ACACB: variants seen among roughly 807,000 people sequenced by gnomAD.
ACACB encodes acetyl-CoA carboxylase beta, also known as acetyl-CoA carboxylase 2.
A neutral mutation model predicts 278.8 loss-of-function variants in ACACB; 209 were observed. That is an observed-to-expected ratio of 0.75 (90% CI 0.67 to 0.84). The LOEUF is 0.84. Among genes scored for constraint, ACACB ranks in the 40% least tolerant of loss-of-function variants. ACACB has a pLI of 0.00. For missense variants in ACACB, 2,850 were observed against 3,269.0 expected (o/e 0.87, Z 3.13); for synonymous variants, 1,174 against 1,285.6 (o/e 0.91, Z 1.86).
rs754130864 is a variant in ACACB at position 109,212,925 on chromosome 12, G to C, written c.3339G>C (p.Gln1113His). ...TCATCAACACCCAGAGCATCGTGCAGTTGGTCCAGAGGTGAATCCTGGGTC... is the reference window on the plus strand; with the variant it reads ...TCATCAACACCCAGAGCATCGTGCACTTGGTCCAGAGGTGAATCCTGGGTC... ...VFFINTQSIV[Q>H]LVQRYRSGIR... is the part of the protein sequence containing the mutation. The change falls in exon 22 of 53, where the codon CAG becomes CAC. Residue 1113 changes from glutamine (Q) to histidine (H), a missense_variant. This residue lies in a region of ACACB where 2,265 missense variants were observed against 2,561.3 expected (regional missense o/e 0.88). Coordinates refer to ENST00000338432, the MANE Select transcript of ACACB (RefSeq NM_001093.4). 1.2e-6 allele frequency: 2 copies of C among 1,614,128 alleles called. No individual in the cohort carries two copies. The highest frequency in any genetic ancestry group is 4.5e-5 in the East Asian group (2 of 44,886).
intron 17 of ACACB, among the ~76,000 whole-genome samples, chr12:109,197,700 A>G (rs897391691): frequency 6.6e-5 from 10 of 152,064 alleles, no homozygotes; most frequent in Admixed American, 3.3e-4. Context: ...AGATAGTGAG[A>G]TAGGCCCCAA....
chr12:109,258,925 G>C, intron 46 of ACACB, 48 bp from the exon 47 acceptor site: 1 of 1,607,614 alleles, frequency 6.2e-7, no homozygotes. Context: ...CTCTGTCCTG[G>C]GTTGTGGTTG....
rs771226382 is a variant in ACACB, at chr12:109,239,916, C to T, written c.4749C>T (p.Thr1583=). The T allele has an allele frequency of 6.2e-7, 1 of 1,614,090 alleles. No individual in the cohort carries two copies. Among genetic ancestry groups the T allele is most frequent in the Non-Finnish European group, 8.5e-7 (1 of 1,180,050 alleles). ...MDELEVAFNN[T]SVRTDCNHIF... ...AGCTGGAGGTGGCGTTCAATAACAC[C>T]AGCGTGCGCACCGACTGCAACCACA... is the stretch of plus-strand genomic sequence containing the variant. Residue 1583 remains threonine (T), a synonymous_variant, in exon 35 of 53, where the codon ACC becomes ACT. Coordinates refer to ENST00000338432, the MANE Select transcript of ACACB (RefSeq NM_001093.4).
chr12:109,207,144 T>C (rs2045545356), intron 20 of ACACB, among the ~76,000 whole-genome samples: 1 of 152,152 alleles, frequency 6.6e-6, no homozygotes, highest in African/African-American at 2.4e-5. Context: ...TTTGTAGAGA[T>C]GGCATTTTGC....
intron 43 of ACACB, among the ~76,000 whole-genome samples, chr12:109,253,611 G>A (rs926860467): frequency 5.3e-5 from 8 of 152,202 alleles, no homozygotes; most frequent in African/African-American, 1.9e-4. Context: ...ATGATTAAGT[G>A]AAGTGATATT....
intron 16 of ACACB, among the ~76,000 whole-genome samples, chr12:109,196,516 A>G (rs2045134817): frequency 1.3e-5 from 2 of 152,134 alleles, no homozygotes; most frequent in South Asian, 4.1e-4. Flanking sequence ...TAAGGGCACT[A>G]ATCTCTTTTA....
At position 109,209,974 on chromosome 12, in the gene ACACB, TACAC is replaced by T. The variant is rs759183713; in HGVS notation, c.3249+626_3249+629del. On this transcript the variant is annotated intron_variant, in intron 21 of 52. Transcript: ENST00000338432. Reference sequence around the variant, plus strand: ...GTGTGTATATATGTGTATACACACATACACACACGTGTGTGTATATATGTGTATA... The same window carrying T: ...GTGTGTATATATGTGTATACACACATACACGTGTGTGTATATATGTGTATA... Among the ~76,000 whole-genome samples the T allele has an allele frequency of 1.2e-4, 12 of 97,280 alleles. 1 individual carries two copies. Among genetic ancestry groups the T allele is most frequent in the South Asian group, 5.8e-4 (2 of 3,430 alleles). The allele number at this position is 97,280 out of a possible 152,430, so 63.8% of individuals were successfully genotyped here.
At chr12:109,252,702 C>T (rs141239448) in intron 42 of ACACB, 2 of 216,646 alleles carry the variant, frequency 9.2e-6, no homozygotes, top group East Asian at 1.0e-4. Flanking sequence ...TGCTGCAGAC[C>T]TGCTGAATCA....
At chr12:109,116,436 C>T (rs1347442673), upstream of ACACB, among the ~76,000 whole-genome samples, 1 of 152,228 alleles carries the variant, frequency 6.6e-6, no homozygotes, top group Non-Finnish European at 1.5e-5. Flanking sequence ...TAGCAGAACT[C>T]TCCCAGGAGT....
intron 1 of ACACB, 149 bp from the exon 2 acceptor site, chr12:109,139,248 C>T: frequency 1.4e-6 from 1 of 715,964 alleles, no homozygotes; most frequent in South Asian, 2.0e-5. Flanking sequence ...CTGTTTCAGG[C>T]AGAGCAGGGA....
chr12:109,163,717 T>C (rs1347026570), intron 2 of ACACB, among the ~76,000 whole-genome samples: 1 of 152,192 alleles, frequency 6.6e-6, no homozygotes, highest in Non-Finnish European at 1.5e-5. Flanking sequence ...TGGCACAATC[T>C]TGGCTCACTA....
intron 4 of ACACB, among the ~76,000 whole-genome samples, chr12:109,169,992 T>C (rs2089040261): frequency 6.6e-6 from 1 of 152,226 alleles, no homozygotes; most frequent in South Asian, 2.1e-4. Flanking sequence ...TTAGCAATTC[T>C]ATAGTACAGA....
At chr12:109,247,221 T>C in intron 39 of ACACB, among the ~76,000 whole-genome samples, 1 of 152,024 alleles carries the variant, frequency 6.6e-6, no homozygotes, top group Non-Finnish European at 1.5e-5. Flanking sequence ...GCATGCATTC[T>C]CGGGGGCGAT....
chr12:109,178,935 C>T (rs1201422501), intron 9 of ACACB, among the ~76,000 whole-genome samples, 153 bp from the exon 10 acceptor site: 1 of 152,196 alleles, frequency 6.6e-6, no homozygotes, highest in Non-Finnish European at 1.5e-5. Flanking sequence ...AATATTATGT[C>T]TGTGAGACAA....
At position 109,245,786 on chromosome 12, in the gene ACACB, A is replaced by G. The variant is rs1241695213; in HGVS notation, c.5301+38A>G. 5.0e-6 allele frequency: 8 copies of G among 1,604,602 alleles called. No individual in the cohort carries two copies. The East Asian group carries it at 8.9e-5, about 18-fold the overall frequency. The stretch of plus-strand genomic sequence containing the variant: ...CGGAGCCTAACCCCTGGCTGGAGTC[A>G]CCCCCTTAAAAATATTTTTGGGCCA... On this transcript the variant is annotated intron_variant, in intron 38 of 52. Coordinates refer to ENST00000338432, the MANE Select transcript of ACACB (RefSeq NM_001093.4).
At chr12:109,165,459 G>A (rs971913737) in intron 2 of ACACB, among the ~76,000 whole-genome samples, 1 of 152,196 alleles carries the variant, frequency 6.6e-6, no homozygotes, top group African/African-American at 2.4e-5. Flanking sequence ...GAAGTGCTGG[G>A]ATTACAGGTA....
At chr12:109,246,083 C>G in intron 38 of ACACB, 96 bp from the exon 39 acceptor site, 4 of 1,370,722 alleles carry the variant, frequency 2.9e-6, no homozygotes, top group Admixed American at 2.5e-5. Flanking sequence ...GAGCAAGACC[C>G]TGTATCTAAA....
intron 2 of ACACB, among the ~76,000 whole-genome samples, chr12:109,141,488 A>G (rs942671334): frequency 6.6e-6 from 1 of 152,202 alleles, no homozygotes; most frequent in African/African-American, 2.4e-5. Context: ...GAGAGAAGAA[A>G]AGAGCCACCA....
At chr12:109,136,683 A>G (rs2042973854) in intron 1 of ACACB, among the ~76,000 whole-genome samples, 1 of 152,178 alleles carries the variant, frequency 6.6e-6, no homozygotes, top group African/African-American at 2.4e-5. Context: ...TTGTGTATTT[A>G]TCTTGTATCC....
Sources: allele counts gnomAD v4.1 joint callset (sites outside exome capture counted in the v4.1 genomes callset), GRCh38; gene constraint gnomAD v4.1.1; regional missense constraint gnomAD v4.1.1; transcripts MANE v1.5; gene names NCBI Gene and HGNC (gene_info 2026-07-23, HGNC 2026-07-21).